Variants in SYCP1 observed in about 807,000 individuals in gnomAD.
The protein encoded by SYCP1 is synaptonemal complex protein 1.
Under a neutral mutation model 153.1 loss-of-function variants are expected in SYCP1, and 64 were observed. The observed-to-expected ratio is 0.42, with a 90% CI of 0.34 to 0.51. SYCP1 has a LOEUF of 0.51. Among genes scored for constraint, SYCP1 ranks in the 20% least tolerant of loss-of-function variants. The pLI is 0.06. For synonymous variants in SYCP1, 384 were observed against 341.8 expected (o/e 1.12, Z -1.36); for missense variants, 997 against 1,049.0 (o/e 0.95, Z 0.68).
chr1:114,857,735 G>C (rs1664107027), intron 5 of SYCP1, among the ~76,000 whole-genome samples: 1 of 152,010 alleles, frequency 6.6e-6, no homozygotes, highest in Non-Finnish European at 1.5e-5. Context: ...TACTATACCT[G>C]AAAAGTATAT....
intron 9 of SYCP1, among the ~76,000 whole-genome samples, chr1:114,875,530 A>G (rs1665463557): frequency 6.6e-6 from 1 of 152,058 alleles, no homozygotes; most frequent in South Asian, 2.1e-4. Context: ...AAGTTCTGGG[A>G]TTAGAGGCGT....
In SYCP1 at chr1:114,926,563, G is replaced by A; in HGVS notation, c.1926G>A (p.Lys642=). ...ESKQLNVYEI[K]VNKLELELES... ...AGCAACTGAATGTTTATGAGATAAA[G>A]GTATTTGGCATCTTTATTTTTGTTT... The change falls in exon 23 of 32, where the codon AAG becomes AAA. Residue 642 remains lysine (K), a splice_region_variant and synonymous_variant. Coordinates refer to ENST00000369522, the MANE Select transcript of SYCP1 (RefSeq NM_003176.4). The A allele has an allele frequency of 6.3e-7, 1 of 1,585,386 alleles. No homozygotes were observed. The highest frequency in any genetic ancestry group is 1.4e-5 in the African/African-American group (1 of 73,534).
chr1:114,988,765 A>G (rs1452818381), intron 30 of SYCP1, among the ~76,000 whole-genome samples: 1 of 152,032 alleles, frequency 6.6e-6, no homozygotes, highest in African/African-American at 2.4e-5. Flanking sequence ...AGCTAGTAGT[A>G]TTGTTATTCT....
rs755830276 is a variant in SYCP1 at position 114,911,463 on chromosome 1, T to G, written c.1426-16T>G. The G allele has an allele frequency of 1.3e-6, 2 of 1,515,866 alleles. No individual in the cohort carries two copies. The allele number at this position is 1,515,866 out of a possible 1,614,324, so 93.9% of individuals were successfully genotyped here. ...TCGAAAAACACTTGCCATAGTTATA[T>G]ATGTTTATTTTGCAGAAAGAAGTAC... On this transcript the variant is annotated splice_polypyrimidine_tract_variant and intron_variant, in intron 17 of 31. Transcript: ENST00000369522.
chr1:114,879,935 A>G (rs1665804649), intron 12 of SYCP1, among the ~76,000 whole-genome samples: 2 of 152,110 alleles, frequency 1.3e-5, no homozygotes, highest in African/African-American at 4.8e-5. Context: ...TGAAGTTTCC[A>G]TTTGATTACT....
rs1570709374 is a variant in SYCP1, at chr1:114,890,139, A to G, written c.1258+2446A>G. 2.0e-5 allele frequency among the ~76,000 whole-genome samples: 3 copies of G among 152,102 alleles called. 1 individual carries two copies. The South Asian group carries it at 6.2e-4, about 32-fold the overall frequency. ...TGTGTGTTTTTTAGCATTGCCTTAG[A>G]TGTTGTAGGAATGTATAGAAGTAAC... On this transcript the variant is annotated intron_variant, in intron 15 of 31. Coordinates refer to ENST00000369522, the MANE Select transcript of SYCP1 (RefSeq NM_003176.4).
At chr1:114,857,165 A>AAAT in intron 3 of SYCP1, 67 bp from the exon 4 acceptor site, 1 of 1,146,124 alleles carries the variant, frequency 8.7e-7, no homozygotes, top group Non-Finnish European at 1.2e-6. Context: ...AAAGAGAAAA[A>AAAT]AGAAAAAAAA....
chr1:114,870,655 A>G (rs1367165302), intron 8 of SYCP1, among the ~76,000 whole-genome samples: 1 of 152,126 alleles, frequency 6.6e-6, no homozygotes, highest in African/African-American at 2.4e-5. Flanking sequence ...TGTAGAGTAG[A>G]AGTTTTTAAT....
At chr1:114,957,488 C>G (rs924096793) in intron 27 of SYCP1, among the ~76,000 whole-genome samples, 1 of 152,048 alleles carries the variant, frequency 6.6e-6, no homozygotes, top group Admixed American at 6.6e-5. Context: ...AAGGAAACAG[C>G]AAAGTGAGAA....
intron 30 of SYCP1, among the ~76,000 whole-genome samples, chr1:114,993,796 A>C (rs2101993669): frequency 6.6e-6 from 1 of 151,606 alleles, no homozygotes; most frequent in East Asian, 1.9e-4. Flanking sequence ...ATACATTTAT[A>C]ATGTTGTGTA....
At position 114,915,512 on chromosome 1, in the gene SYCP1, T is replaced by A. The variant is rs185722723; in HGVS notation, c.1718+1467T>A. Among the ~76,000 whole-genome samples the A allele has an allele frequency of 1.5e-3, 224 of 152,330 alleles. 3 individuals are homozygous for A. The highest frequency in any genetic ancestry group is 5.3e-3 in the African/African-American group (219 of 41,580). ...CCTACAAGTGAACAATTAACACAAA[T>A]TCACATTATCAGTTATTTCTGGTTG... On this transcript the variant is annotated intron_variant, in intron 20 of 31. Coordinates refer to ENST00000369522, the MANE Select transcript of SYCP1 (RefSeq NM_003176.4).
Position 114,926,329 on chromosome 1 carries a change from C to G in SYCP1, c.1852C>G (p.Leu618Val). The G allele has an allele frequency of 6.5e-7, 1 of 1,529,490 alleles. No individual in the cohort carries two copies. Among genetic ancestry groups the G allele is most frequent in the East Asian group, 2.3e-5 (1 of 43,178 alleles). 94.7% of individuals were successfully genotyped at this position (1,529,490 alleles called of 1,614,324 possible). The change falls in exon 22 of 32, where the codon CTT becomes GTT. Residue 618 changes from leucine (L) to valine (V), a missense_variant. Physicochemically the swap from Leu to Val is conservative, Grantham distance 32. This residue lies in a region of SYCP1 where 712 missense variants were observed against 682.9 expected (regional missense o/e 1.04). Transcript: ENST00000369522. ...AAATAAAAACAAGTATATTGAAGAA[C>G]TTCAGCAGGAGGTATGTATTTTTTA... ...VENKNKYIEE[L>V]QQENKALKKK...
chr1:114,972,638 T>C (rs186858022), intron 27 of SYCP1, among the ~76,000 whole-genome samples: 1 of 152,308 alleles, frequency 6.6e-6, no homozygotes, highest in Admixed American at 6.5e-5. Context: ...TTGATTGCCA[T>C]TTTAATCTCC....
chr1:114,919,040 A>T (rs993884253), intron 20 of SYCP1, among the ~76,000 whole-genome samples: 1 of 152,014 alleles, frequency 6.6e-6, no homozygotes, highest in African/African-American at 2.4e-5. Context: ...CTCCAGTACT[A>T]TGTTGAATAA....
rs149790140 is a variant in SYCP1 at position 114,880,677 on chromosome 1, C to T, written c.910+2475C>T. 4.3e-3 allele frequency among the ~76,000 whole-genome samples: 650 copies of T among 152,294 alleles called. 3 individuals carry two copies. Among genetic ancestry groups the T allele is most frequent in the African/African-American group, 0.015 (606 of 41,576 alleles). On this transcript the variant is annotated intron_variant, in intron 12 of 31. Coordinates refer to ENST00000369522, the MANE Select transcript of SYCP1 (RefSeq NM_003176.4). ...GCCTCTGCCTGGGTTAAGACAGCAT[C>T]TTAGTCTTTTGCTTATGCCCAGATC...
At position 114,886,109 on chromosome 1, in the gene SYCP1, A is replaced by G; in HGVS notation, c.1006-16A>G. On this transcript the variant is annotated splice_polypyrimidine_tract_variant and intron_variant, in intron 13 of 31. Coordinates refer to ENST00000369522, the MANE Select transcript of SYCP1 (RefSeq NM_003176.4). ...CTTTGGATCATTGCTCTTGTTTTAT[A>G]CTTTATTTCATTTAGAGTACTCAAA... is the stretch of plus-strand genomic sequence containing the variant. The G allele has an allele frequency of 1.3e-6, 2 of 1,548,044 alleles. No individual in the cohort carries two copies. The highest frequency in any genetic ancestry group is 1.7e-6 in the Non-Finnish European group (2 of 1,149,274).
At chr1:114,918,995 A>G (rs1003040699) in intron 20 of SYCP1, among the ~76,000 whole-genome samples, 3 of 151,846 alleles carry the variant, frequency 2.0e-5, no homozygotes, top group Non-Finnish European at 4.4e-5. Context: ...AATGCCCTTT[A>G]TTTCTTCCTT....
At chr1:114,863,354 C>G (rs1217161843) in intron 8 of SYCP1, among the ~76,000 whole-genome samples, 1 of 152,102 alleles carries the variant, frequency 6.6e-6, no homozygotes, top group African/African-American at 2.4e-5. Flanking sequence ...GAGATCAAGA[C>G]CAGCCTGGCC....
At chr1:114,916,201 T>C (rs1668495859) in intron 20 of SYCP1, among the ~76,000 whole-genome samples, 2 of 152,224 alleles carry the variant, frequency 1.3e-5, no homozygotes, top group Admixed American at 1.3e-4. Context: ...TTCACAGTCA[T>C]CTATTTTAAT....
Sources: allele counts gnomAD v4.1 joint callset (sites outside exome capture counted in the v4.1 genomes callset), GRCh38; gene constraint gnomAD v4.1.1; regional missense constraint gnomAD v4.1.1; transcripts MANE v1.5; gene names NCBI Gene and HGNC (gene_info 2026-07-23, HGNC 2026-07-21).